The following TULP1 variants were observed in gnomAD, a reference collection of about 807,000 sequenced individuals.
TULP1 encodes TUB like protein 1, also known as tubby-related protein 1.
Under a neutral mutation model 67.1 loss-of-function variants are expected in TULP1, and 50 were observed. The observed-to-expected ratio is 0.75, with a 90% CI of 0.59 to 0.94. The LOEUF (loss-of-function observed/expected upper bound fraction) is 0.94. Ranked by LOEUF, TULP1 falls within the 40% of genes least tolerant of loss-of-function variation. TULP1 has a pLI of 0.00. For synonymous variants in TULP1, 297 were observed against 294.0 expected (o/e 1.01, Z -0.11); for missense variants, 746 against 734.1 (o/e 1.02, Z -0.19).
In TULP1 at chr6:35,512,181, T is replaced by C; in HGVS notation, c.189A>G (p.Gly63=). ...ACCCGGGCTCTGCACCCCGCCCACCTCCGGGCTTCCGGGGCTTGGATCCCG... is the reference window on the plus strand; with the variant it reads ...ACCCGGGCTCTGCACCCCGCCCACCCCCGGGCTTCCGGGGCTTGGATCCCG... ...CPTGSKPRKP[G]AGRTGRPREE... The change falls in exon 3 of 15, where the codon GGA becomes GGG. Residue 63 remains glycine (G), a splice_region_variant and synonymous_variant. Transcript: ENST00000229771. 1 of 1,344,246 alleles carries C rather than the reference T, an allele frequency of 7.4e-7. No individual in the cohort carries two copies. Among genetic ancestry groups the C allele is most frequent in the East Asian group, 2.8e-5 (1 of 35,822 alleles). 83.3% of individuals were successfully genotyped at this position (1,344,246 alleles called of 1,614,324 possible).
At chr6:35,511,461 G>T (rs770567605) in intron 4 of TULP1, among the ~76,000 whole-genome samples, 187 bp downstream of exon 4, 10 of 152,128 alleles carry the variant, frequency 6.6e-5, no homozygotes, top group South Asian at 2.1e-4. Flanking sequence ...AATGGTGGAG[G>T]GGGGGAACAA....
intron 11 of TULP1, chr6:35,505,464 A>T: frequency 1.3e-6 from 1 of 775,788 alleles, no homozygotes; most frequent in Non-Finnish European, 2.0e-6. Flanking sequence ...CGTGGAACTT[A>T]TGCCCTGCTC....
chr6:35,507,916 G>A (rs770924493), intron 8 of TULP1, among the ~76,000 whole-genome samples: 2 of 152,212 alleles, frequency 1.3e-5, no homozygotes, highest in Non-Finnish European at 2.9e-5. Context: ...CTGGGTTCAA[G>A]TGATTCTCCT....
At position 35,509,411 on chromosome 6, in the gene TULP1, A is replaced by G. The variant is rs889634540; in HGVS notation, c.719-99T>C. 6.5e-6 allele frequency: 8 copies of G among 1,233,348 alleles called. No homozygotes were observed. In the Admixed American group the frequency reaches 6.7e-5, roughly 10 times the overall value. The allele number at this position is 1,233,348 out of a possible 1,614,324, so 76.4% of individuals were successfully genotyped here. On this transcript the variant is annotated intron_variant, in intron 7 of 14. Coordinates refer to ENST00000229771, the MANE Select transcript of TULP1 (RefSeq NM_003322.6). ...CACTTGGATGCTCCCCACAACCACAAGAGAGTCGACCCCATGTTATTATTA... is the reference window on the plus strand; with the variant it reads ...CACTTGGATGCTCCCCACAACCACAGGAGAGTCGACCCCATGTTATTATTA...
intron 4 of TULP1, among the ~76,000 whole-genome samples, chr6:35,511,238 G>A (rs1318736254): frequency 6.6e-6 from 1 of 152,008 alleles, no homozygotes; most frequent in Admixed American, 6.5e-5. Flanking sequence ...ATCCTGTCCT[G>A]GGGAAATGCC....
chr6:35,512,770 C>T (rs757880718), intron 1 of TULP1, 42 bp downstream of exon 1: 16 of 1,428,102 alleles, frequency 1.1e-5, no homozygotes, highest in Non-Finnish European at 1.5e-5. Flanking sequence ...TCCATCTAGG[C>T]CCCCCAGGGT....
intron 4 of TULP1, 28 bp downstream of exon 4, chr6:35,511,620 C>T (rs1288303332): frequency 2.5e-6 from 4 of 1,583,774 alleles, no homozygotes; most frequent in Non-Finnish European, 3.4e-6. Flanking sequence ...ACCGCCCCCT[C>T]ACCCGCGTCC....
Position 35,506,152 on chromosome 6 carries a change from G to C in TULP1, c.850C>G (p.Pro284Ala). ...KKAKEERAPS[P>A]PVEVDEPREF... ...CGGGGTTCGTCCACCTCCACGGGGG[G>C]AGACGGGGCCCTCTCCTCCTTCTGG... The change falls in exon 10 of 15, where the codon CCC becomes GCC. Residue 284 changes from proline to alanine, a missense_variant. This residue lies in a region of TULP1 where 383 missense variants were observed against 374.1 expected (regional missense o/e 1.02). Transcript: ENST00000229771. The C allele has an allele frequency of 1.9e-6, 3 of 1,613,578 alleles. No individual in the cohort carries two copies. Among genetic ancestry groups the C allele is most frequent in the Non-Finnish European group, 2.5e-6 (3 of 1,179,898 alleles).
In TULP1 at chr6:35,509,639, T is replaced by C. The variant is rs1267399059; in HGVS notation, c.713A>G (p.Lys238Arg). The C allele has an allele frequency of 1.2e-6, 2 of 1,614,098 alleles. No individual in the cohort carries two copies. The highest frequency in any genetic ancestry group is 1.7e-6 in the Non-Finnish European group (2 of 1,179,988). ...EGSPDKKALKKKGTPKGARKE... is the reference protein window; with the variant it reads ...EGSPDKKALKRKGTPKGARKE... ...CAGAAGCCCTTGCCATCCACCTTTC[T>C]TCTTCAGGGCTTTCTTGTCAGGACT... Residue 238 changes from lysine (K) to arginine (R), a missense_variant, in exon 7 of 15, where the codon AAG (lysine) becomes AGG (arginine). Transcript: ENST00000229771.
chr6:35,511,050 G>A (rs770487608), intron 4 of TULP1, 40 bp from the exon 5 acceptor site: 2 of 1,599,288 alleles, frequency 1.3e-6, no homozygotes, highest in Non-Finnish European at 1.7e-6. Flanking sequence ...TTTGAGCCGG[G>A]CCCTCCTTAT....
chr6:35,506,252 G>A (rs1761086080), intron 9 of TULP1, 22 bp downstream of exon 9: 2 of 1,596,646 alleles, frequency 1.3e-6, no homozygotes, highest in Admixed American at 3.5e-5. Flanking sequence ...TGAGACACGG[G>A]CAGCCCGGCA....
intron 8 of TULP1, 55 bp downstream of exon 8, chr6:35,509,154 C>A: frequency 6.6e-7 from 1 of 1,520,404 alleles, no homozygotes; most frequent in African/African-American, 1.4e-5. Flanking sequence ...CAAGTCCAGG[C>A]CCCTGCCTCT....
intron 13 of TULP1, among the ~76,000 whole-genome samples, chr6:35,500,779 T>C (rs957735817): frequency 6.6e-6 from 1 of 152,170 alleles, no homozygotes; most frequent in Non-Finnish European, 1.5e-5. Flanking sequence ...TGCACTGTAA[T>C]TGGCAAAAGA....
At position 35,498,561 on chromosome 6, in the gene TULP1, G is replaced by A. The variant is rs1768759278; in HGVS notation, c.1496-101C>T. 1.3e-6 allele frequency: 2 copies of A among 1,556,396 alleles called. No individual in the cohort carries two copies. Among genetic ancestry groups the A allele is most frequent in the Non-Finnish European group, 1.7e-6 (2 of 1,147,402 alleles). On this transcript the variant is annotated intron_variant, in intron 14 of 14. Transcript: ENST00000229771. The surrounding 1 kb of genome is among the most constrained non-coding windows in gnomAD (Gnocchi z 6.7). ...TTGGGGGCAGTCTGTCCCTTGCCTT[G>A]GGGCTCCAACCCTCAGCCACCATCT...
chr6:35,503,897 C>A lies in TULP1; in HGVS notation c.1113-49G>T. The stretch of plus-strand genomic sequence containing the variant: ...GTGGGGCTGAGGGGATCCTACATCC[C>A]TGCCCCAGGCCCCTTCCACACAGCC... On this transcript the variant is annotated intron_variant, in intron 11 of 14. Transcript: ENST00000229771. This position sits in a 1 kb window ranked among gnomAD's most constrained non-coding sequence, Gnocchi z 4.0. 1 of 1,441,128 alleles carries A rather than the reference C, an allele frequency of 6.9e-7. No individual in the cohort carries two copies. Among genetic ancestry groups the A allele is most frequent in the South Asian group, 1.2e-5 (1 of 83,336 alleles). 89.3% of individuals were successfully genotyped at this position (1,441,128 alleles called of 1,614,324 possible).
At chr6:35,509,127 C>T in intron 8 of TULP1, 82 bp downstream of exon 8, 1 of 1,283,654 alleles carries the variant, frequency 7.8e-7, no homozygotes, top group Non-Finnish European at 1.1e-6. Flanking sequence ...GCTCCAAGCC[C>T]CCACCCTCTA....
At position 35,497,998 on chromosome 6, in the gene TULP1, T is replaced by C; in HGVS notation, c.*329A>G. 2.3e-6 allele frequency: 1 copy of C among 439,732 alleles called. No homozygotes were observed. The highest frequency in any genetic ancestry group is 4.2e-6 in the Non-Finnish European group (1 of 240,018). The allele number at this position is 439,732 out of a possible 1,614,324, so 27.2% of individuals were successfully genotyped here. A position where few individuals can be genotyped will look rare whatever the true frequency, so the allele number is the denominator to read the frequency against. ...AGCGCGGTCCCGGGGAGAGGGGAGG[T>C]TAAAACAACAATGACTACTGCTCCC... On this transcript the variant is annotated 3_prime_UTR_variant, in exon 15 of 15. Coordinates refer to ENST00000229771, the MANE Select transcript of TULP1 (RefSeq NM_003322.6).
rs61734562 is a variant in TULP1 at position 35,500,135 on chromosome 6, C to T, written c.1341G>A (p.Leu447=). Residue 447 remains leucine, a synonymous_variant, in exon 14 of 15, where the codon CTG becomes CTA. Coordinates refer to ENST00000229771, the MANE Select transcript of TULP1 (RefSeq NM_003322.6). ...IRPRNASDGL[L]VRWQNKTLES... ...CCAGCGTCTTGTTCTGCCAGCGCAC[C>T]AGCAGGCCGTCACTAGCCTGGGGTG... 1,426 of 1,614,064 alleles carry T rather than the reference C, an allele frequency of 8.8e-4. 5 individuals are homozygous for T. The African/African-American group carries it at 0.013, about 15-fold the overall frequency.
rs1581734379 is a variant in TULP1 at position 35,498,085 on chromosome 6, A to T, written c.*242T>A. 5 of 633,676 alleles carry T rather than the reference A, an allele frequency of 7.9e-6. No individual in the cohort carries two copies. The East Asian group carries it at 1.1e-4, about 14-fold the overall frequency. 39.3% of individuals were successfully genotyped at this position (633,676 alleles called of 1,614,324 possible). A position where few individuals can be genotyped will look rare whatever the true frequency, so the allele number is the denominator to read the frequency against. ...CACAGCGGCGCAGGCGAGCTCCGAG[A>T]CCAGATGTGCGGCTCCAACTCCAGA... On this transcript the variant is annotated 3_prime_UTR_variant, in exon 15 of 15. Coordinates refer to ENST00000229771, the MANE Select transcript of TULP1 (RefSeq NM_003322.6). This position sits in a 1 kb window ranked among gnomAD's most constrained non-coding sequence, Gnocchi z 6.7.
Sources: gnomAD v4.1 joint callset for allele counts (sites outside exome capture counted in the v4.1 genomes callset) on GRCh38, gnomAD v4.1.1 for gene constraint, gnomAD v4.1.1 regional missense constraint, Gnocchi (gnomAD v3.1) non-coding constraint, MANE v1.5 for transcripts, NCBI Gene and HGNC (gene_info 2026-07-23, HGNC 2026-07-21) for gene names.